Variants in C1QTNF3 observed in about 807,000 individuals in gnomAD.
C1QTNF3 encodes the protein C1q and TNF related 3, also known as complement C1q tumor necrosis factor-related protein 3.
In C1QTNF3, 26 loss-of-function variants were observed where a neutral mutation model predicts 32.6. The ratio of observed to expected loss-of-function variants is 0.80; its 90% CI spans 0.58 to 1.11. The LOEUF (loss-of-function observed/expected upper bound fraction) is 1.11. Among genes scored for constraint, C1QTNF3 ranks in the 50% least tolerant of loss-of-function variants. C1QTNF3 has a pLI of 0.00. For synonymous variants in C1QTNF3, 155 were observed against 146.0 expected (o/e 1.06, Z -0.44); for missense variants, 362 against 398.2 (o/e 0.91, Z 0.77).
chr5:34,044,183 C>T (rs1754942114), upstream of C1QTNF3, among the ~76,000 whole-genome samples: 1 of 152,170 alleles, frequency 6.6e-6, no homozygotes, highest in Non-Finnish European at 1.5e-5. Context: ...GCTTTAGTTG[C>T]TATACTTTTA....
chr5:34,138,827 G>A, the C1QTNF3 span, among the ~76,000 whole-genome samples: 1 of 152,096 alleles, frequency 6.6e-6, no homozygotes, highest in Non-Finnish European at 1.5e-5. Flanking sequence ...TCTTCTGCTA[G>A]TTACAACACA....
chr5:34,033,327 G>C lies in C1QTNF3; in HGVS notation c.547C>G (p.Pro183Ala). ...QHGPKGEKGYPGIPPELQIAF... is the reference protein window; with the variant it reads ...QHGPKGEKGYAGIPPELQIAF... ...ACCTGAAGTTCTGGTGGAATCCCCGGGTAGCCCTTCTCTCCTTTGGGGCCA... is the reference window on the plus strand; with the variant it reads ...ACCTGAAGTTCTGGTGGAATCCCCGCGTAGCCCTTCTCTCCTTTGGGGCCA... Residue 183 changes from proline (P) to alanine (A), a missense_variant, in exon 3 of 6, where the codon CCG becomes GCG. Transcript: ENST00000382065. The C allele has an allele frequency of 1.2e-6, 2 of 1,613,688 alleles. No homozygotes were observed. Among genetic ancestry groups the C allele is most frequent in the East Asian group, 2.2e-5 (1 of 44,826 alleles).
At chr5:34,195,307 T>A in the C1QTNF3 span, among the ~76,000 whole-genome samples, 2 of 144,680 alleles carry the variant, frequency 1.4e-5, no homozygotes, top group Admixed American at 7.0e-5. Flanking sequence ...CTCCATCTGG[T>A]AGGAATATAT....
At chr5:34,142,347 G>A in the C1QTNF3 span, among the ~76,000 whole-genome samples, 11 of 151,638 alleles carry the variant, frequency 7.3e-5, no homozygotes, top group Middle Eastern at 3.4e-3. Context: ...CAGGAGAAAC[G>A]CTTGAACCTG....
the C1QTNF3 span, among the ~76,000 whole-genome samples, chr5:34,102,191 T>G: frequency 2.6e-5 from 4 of 152,056 alleles, no homozygotes; most frequent in Admixed American, 2.6e-4. Context: ...AGATAACGAA[T>G]ATTACCTTTT....
chr5:34,158,721 T>A, the C1QTNF3 span: 25 of 152,122 alleles, frequency 1.6e-4, no homozygotes, highest in African/African-American at 5.5e-4. Flanking sequence ...TTCCTAAATA[T>A]TTTTCATAAG....
chr5:34,241,947 GGGAGGGAA>G, the C1QTNF3 span, among the ~76,000 whole-genome samples: 4 of 86,174 alleles, frequency 4.6e-5, no homozygotes, highest in South Asian at 4.5e-4. Context: ...GAGGAAGGGA[GGGAGGGAA>G]GGAAGGAAGG....
At chr5:34,210,267 G>C in the C1QTNF3 span, among the ~76,000 whole-genome samples, 1 of 151,900 alleles carries the variant, frequency 6.6e-6, no homozygotes, top group South Asian at 2.1e-4. Flanking sequence ...GCTGGAGAAA[G>C]AAAAAGAAGA....
the C1QTNF3 span, among the ~76,000 whole-genome samples, chr5:34,062,864 T>C: frequency 3.3e-5 from 5 of 152,258 alleles, no homozygotes; most frequent in Non-Finnish European, 7.3e-5. Context: ...AAGCTACCTT[T>C]CTGCTTTTTT....
chr5:34,166,928 G>C, the C1QTNF3 span: 1 of 152,018 alleles, frequency 6.6e-6, no homozygotes, highest in East Asian at 1.9e-4. Context: ...CTATCCTACA[G>C]CTAAACCTAA....
chr5:34,167,371 C>A, the C1QTNF3 span: 1 of 152,190 alleles, frequency 6.6e-6, no homozygotes, highest in Non-Finnish European at 1.5e-5. Flanking sequence ...TCTATTTCTA[C>A]TACATGCTGC....
the C1QTNF3 span, among the ~76,000 whole-genome samples, chr5:34,095,230 T>C: frequency 6.6e-6 from 1 of 152,110 alleles, no homozygotes; most frequent in Non-Finnish European, 1.5e-5. Context: ...CAACTTCTCT[T>C]CATCTCCTCT....
At chr5:34,201,072 C>A in the C1QTNF3 span, among the ~76,000 whole-genome samples, 34 of 152,148 alleles carry the variant, frequency 2.2e-4, no homozygotes, top group East Asian at 4.4e-3. Context: ...TGATGCTAAG[C>A]TCCGTAATGT....
the C1QTNF3 span, among the ~76,000 whole-genome samples, chr5:34,240,151 G>A: frequency 6.7e-6 from 1 of 149,032 alleles, no homozygotes; most frequent in African/African-American, 2.5e-5. Context: ...TAAGAGGAAC[G>A]TTTAAATGCC....
At chr5:34,147,595 A>AT in the C1QTNF3 span, among the ~76,000 whole-genome samples, 1 of 152,108 alleles carries the variant, frequency 6.6e-6, no homozygotes, top group South Asian at 2.1e-4. Context: ...GTCCTCACTT[A>AT]TAAGTGGGAA....
At chr5:34,068,775 C>G in the C1QTNF3 span, among the ~76,000 whole-genome samples, 2,951 of 152,212 alleles carry the variant, frequency 0.019, 36 homozygotes, top group Non-Finnish European at 0.033. Context: ...TGTTATCAAA[C>G]TTGTGGTTTA....
the C1QTNF3 span, among the ~76,000 whole-genome samples, chr5:34,134,699 T>A: frequency 6.6e-6 from 1 of 152,142 alleles, no homozygotes; most frequent in Non-Finnish European, 1.5e-5. Flanking sequence ...GAATGGGAGT[T>A]CACTCATGAT....
the C1QTNF3 span, among the ~76,000 whole-genome samples, chr5:34,147,971 G>A: frequency 6.6e-6 from 1 of 152,152 alleles, no homozygotes; most frequent in Non-Finnish European, 1.5e-5. Context: ...GGGAGTGCCA[G>A]ACAGTGGGCG....
rs866676203 is a variant in C1QTNF3, at chr5:34,024,126, A to G, written c.701-118T>C. On this transcript the variant is annotated intron_variant, in intron 4 of 5. Transcript: ENST00000382065. ...GTCTTTTATTGATATTCTTTGTAGT[A>G]TGGTGTCTCTCCTTGGCCTTAATTT... 17 of 732,422 alleles carry G rather than the reference A, an allele frequency of 2.3e-5. 1 individual carries two copies. In the Middle Eastern group the frequency reaches 1.8e-3, roughly 76 times the overall value. 45.4% of individuals were successfully genotyped at this position (732,422 alleles called of 1,614,324 possible).
Sources: gnomAD v4.1 joint callset for allele counts (sites outside exome capture counted in the v4.1 genomes callset) on GRCh38, gnomAD v4.1.1 for gene constraint, MANE v1.5 for transcripts, NCBI Gene and HGNC (gene_info 2026-07-23, HGNC 2026-07-21) for gene names.